AXDND1: variants seen among roughly 807,000 people sequenced by gnomAD.
AXDND1 encodes the protein axonemal dynein light chain domain containing 1.
Under a neutral mutation model 137.5 loss-of-function variants are expected in AXDND1, and 110 were observed. That is an observed-to-expected ratio of 0.80 (90% confidence interval 0.69 to 0.94). AXDND1 has a LOEUF of 0.94. AXDND1 is among the 40% of genes least tolerant of loss of function. The pLI is 0.00. For synonymous variants in AXDND1, 414 were observed against 399.7 expected (o/e 1.04, Z -0.43); for missense variants, 1,191 against 1,169.8 (o/e 1.02, Z -0.26).
At chr1:179,546,328 G>A (rs1454484993) in intron 25 of AXDND1, 1 of 144,670 alleles carries the variant, frequency 6.9e-6, no homozygotes. Context: ...AAAAAAAAAA[G>A]TATGCCCCAG....
intron 25 of AXDND1, among the ~76,000 whole-genome samples, chr1:179,540,541 T>A (rs755795016): frequency 1.3e-5 from 2 of 152,224 alleles, no homozygotes; most frequent in African/African-American, 2.4e-5. Context: ...CAGCAAATAT[T>A]GCTGCCCAAT....
intron 9 of AXDND1, among the ~76,000 whole-genome samples, chr1:179,387,359 G>C (rs558672789): frequency 9.2e-5 from 14 of 152,290 alleles, no homozygotes; most frequent in East Asian, 5.8e-4. Flanking sequence ...GTGAGAGAGA[G>C]AGAAAGAGGG....
chr1:179,422,694 A>G (rs902826826), intron 12 of AXDND1, among the ~76,000 whole-genome samples: 2 of 151,988 alleles, frequency 1.3e-5, no homozygotes, highest in Non-Finnish European at 1.5e-5. Context: ...GTTGTTGTTG[A>G]TTTCTTGTCT....
Position 179,491,589 on chromosome 1 carries a change from T to G in AXDND1, c.2143T>G (p.Leu715Val). The G allele has an allele frequency of 6.2e-7, 1 of 1,613,462 alleles. No homozygotes were observed. Among genetic ancestry groups the G allele is most frequent in the East Asian group, 2.2e-5 (1 of 44,848 alleles). Residue 715 changes from leucine (L) to valine (V), a missense_variant, in exon 19 of 26, where the codon TTA (leucine) becomes GTA (valine). Leu to Val is a conservative substitution (Grantham distance 32). Coordinates refer to ENST00000367618, the MANE Select transcript of AXDND1 (RefSeq NM_144696.6). The stretch of plus-strand genomic sequence containing the variant: ...CCAGTGGATGGTAAACTTGCTGATT[T>G]TAATGATACCCAACTTTACTGACCA... ...MIQWMVNLLILMIPNFTDQDC... is the reference protein window; with the variant it reads ...MIQWMVNLLIVMIPNFTDQDC...
intron 15 of AXDND1, among the ~76,000 whole-genome samples, chr1:179,439,596 T>C (rs971735143): frequency 6.6e-6 from 1 of 152,126 alleles, no homozygotes; most frequent in Non-Finnish European, 1.5e-5. Flanking sequence ...GAAAACATAC[T>C]GCACAGGACA....
At chr1:179,385,071 C>T (rs1221257934) in intron 8 of AXDND1, among the ~76,000 whole-genome samples, 167 bp from the exon 9 acceptor site, 1 of 152,118 alleles carries the variant, frequency 6.6e-6, no homozygotes, top group Admixed American at 6.6e-5. Flanking sequence ...GGCAGACCAG[C>T]ATTTAAAAAT....
intron 18 of AXDND1, among the ~76,000 whole-genome samples, chr1:179,489,996 G>T (rs900822738): frequency 6.6e-6 from 1 of 151,982 alleles, no homozygotes; most frequent in Non-Finnish European, 1.5e-5. Flanking sequence ...CACCTGCCTC[G>T]GTCTCCCAAA....
chr1:179,522,395 TTAAGTA>T (rs1241498058), intron 21 of AXDND1, among the ~76,000 whole-genome samples: 3 of 152,186 alleles, frequency 2.0e-5, no homozygotes, highest in African/African-American at 7.2e-5. Context: ...TTTAAATAGG[TTAAGTA>T]TAACTTTTGT....
intron 21 of AXDND1, among the ~76,000 whole-genome samples, chr1:179,511,713 T>G (rs1054014971): frequency 4.6e-5 from 7 of 152,124 alleles, no homozygotes; most frequent in Non-Finnish European, 7.4e-5. Context: ...ACCGCATTCA[T>G]GGCAACATCT....
chr1:179,551,168 C>T (rs1370294179), intron 25 of AXDND1: 3 of 1,613,800 alleles, frequency 1.9e-6, no homozygotes, highest in Non-Finnish European at 2.5e-6. Context: ...TATGCCCCAT[C>T]CTTCCTATAA....
At chr1:179,406,988 A>G (rs984123178) in intron 11 of AXDND1, among the ~76,000 whole-genome samples, 1 of 152,004 alleles carries the variant, frequency 6.6e-6, no homozygotes, top group African/African-American at 2.4e-5. Flanking sequence ...CTGTAGTGGT[A>G]ACATTTGAAT....
rs559074593 is a variant in AXDND1, at chr1:179,553,803, A to G, written c.3032-709A>G. ...ACTCTGTCACCCGGGCTGGAGTGCA[A>G]TGCACAATCTCGACTCACTGCAGCC... is the stretch of plus-strand genomic sequence containing the variant. On this transcript the variant is annotated intron_variant, in intron 25 of 25. Transcript: ENST00000367618. Among the ~76,000 whole-genome samples the G allele has an allele frequency of 1.1e-4, 16 of 152,174 alleles. No individual in the cohort carries two copies. In the South Asian group the frequency reaches 1.9e-3, roughly 18 times the overall value.
chr1:179,502,626 A>G (rs10913802), intron 20 of AXDND1, among the ~76,000 whole-genome samples: 106,906 of 148,704 alleles, frequency 0.72, 39,591 homozygotes, highest in South Asian at 0.83. Flanking sequence ...AACAAGAATG[A>G]GGGAGCAACA....
intron 12 of AXDND1, among the ~76,000 whole-genome samples, chr1:179,411,849 CT>C (rs11298765): frequency 0.77 from 115,602 of 150,682 alleles, 44,584 homozygotes; most frequent in South Asian, 0.83. Flanking sequence ...CTCTGATTCT[CT>C]TTTTTTTTTA....
intron 17 of AXDND1, among the ~76,000 whole-genome samples, chr1:179,471,110 GT>G (rs372805768): frequency 9.2e-5 from 14 of 152,222 alleles, no homozygotes; most frequent in African/African-American, 3.4e-4. Flanking sequence ...TGGTAATTGT[GT>G]AAAATACTTT....
Position 179,514,590 on chromosome 1 carries a change from A to C in AXDND1, c.2496+5187A>C, listed in dbSNP as rs576755333. Among the ~76,000 whole-genome samples, 6 of 152,238 alleles carry C rather than the reference A, an allele frequency of 3.9e-5. No homozygotes were observed. The East Asian group carries it at 9.6e-4, about 24-fold the overall frequency. ...TATATCTGCTAAGTCCATTTGTTCC[A>C]AGGTATAGTTTAAATCCATTGTTTC... is the stretch of plus-strand genomic sequence containing the variant. On this transcript the variant is annotated intron_variant, in intron 21 of 25. Coordinates refer to ENST00000367618, the MANE Select transcript of AXDND1 (RefSeq NM_144696.6).
Position 179,528,370 on chromosome 1 carries a change from T to C in AXDND1, c.2654T>C (p.Ile885Thr). 2 of 1,614,006 alleles carry C rather than the reference T, an allele frequency of 1.2e-6. No individual in the cohort carries two copies. The highest frequency in any genetic ancestry group is 2.2e-5 in the South Asian group (2 of 91,084). ...STEKEKLIRF[I>T]GEDENVHSKP... is the part of the protein sequence containing the mutation. Reference sequence around the variant, plus strand: ...GAGAAGGAAAAACTCATTCGATTCATTGGAGAAGATGAAAATGTTCATTCC... The same window carrying C: ...GAGAAGGAAAAACTCATTCGATTCACTGGAGAAGATGAAAATGTTCATTCC... Residue 885 changes from isoleucine (I) to threonine (T), a missense_variant, in exon 23 of 26, where the codon ATT (isoleucine) becomes ACT (threonine). Physicochemically the swap from Ile to Thr is moderately conservative, Grantham distance 89 (BLOSUM62 -1). Coordinates refer to ENST00000367618, the MANE Select transcript of AXDND1 (RefSeq NM_144696.6).
intron 16 of AXDND1, among the ~76,000 whole-genome samples, chr1:179,462,994 C>T (rs1351484133): frequency 6.6e-6 from 1 of 152,082 alleles, no homozygotes; most frequent in African/African-American, 2.4e-5. Flanking sequence ...TTTATTGCAT[C>T]TATTTGATTC....
chr1:179,525,972 A>G (rs1328107633), intron 22 of AXDND1, among the ~76,000 whole-genome samples: 1 of 152,080 alleles, frequency 6.6e-6, no homozygotes. Flanking sequence ...GAGGAAGGGA[A>G]TGTTCCTTTT....
Sources: allele counts gnomAD v4.1 joint callset (sites outside exome capture counted in the v4.1 genomes callset), GRCh38; gene constraint gnomAD v4.1.1; transcripts MANE v1.5; gene names NCBI Gene and HGNC (gene_info 2026-07-23, HGNC 2026-07-21).